Variants in MTSS1 observed in about 807,000 individuals in gnomAD.
The protein encoded by MTSS1 is MTSS I-BAR domain containing 1.
MTSS1 carries 18 observed loss-of-function variants against 79.0 expected under a neutral mutation model. That is an observed-to-expected ratio of 0.23 (90% CI 0.16 to 0.34). The LOEUF is 0.34. MTSS1 is among the 10% of genes least tolerant of loss of function. The pLI is 1.00. For missense variants in MTSS1, 815 were observed against 986.2 expected, an observed-to-expected ratio of 0.83 and a Z score of 2.33; for synonymous variants, 341 against 368.6, an observed-to-expected ratio of 0.93 and a Z score of 0.86.
chr8:124,675,595 T>G (rs184560223), intron 3 of MTSS1, among the ~76,000 whole-genome samples: 3 of 152,306 alleles, frequency 2.0e-5, no homozygotes, highest in Admixed American at 2.0e-4. Context: ...CTCTACCTAG[T>G]TCAAAAACAT....
At chr8:124,680,957 C>T (rs567733069) in intron 3 of MTSS1, among the ~76,000 whole-genome samples, 34 of 152,116 alleles carry the variant, frequency 2.2e-4, no homozygotes, top group African/African-American at 8.0e-4. Flanking sequence ...TTCTTTAGAC[C>T]GCAGGAGAGG....
At position 124,562,783 on chromosome 8, in the gene MTSS1, T is replaced by C; in HGVS notation, c.1034A>G (p.Gln345Arg). 6.2e-7 allele frequency: 1 copy of C among 1,613,738 alleles called. No individual in the cohort carries two copies. The highest frequency in any genetic ancestry group is 1.1e-5 in the South Asian group (1 of 91,068). The change falls in exon 10 of 14, where the codon CAG (glutamine) becomes CGG (arginine). Residue 345 changes from glutamine to arginine, a missense_variant and splice_region_variant. Around this residue, in one of 2 missense-constraint regions of MTSS1, gnomAD observed 590 missense variants for 620.8 expected, o/e 0.95. Transcript: ENST00000518547. ...TCCTGGAGCCAAGGGCACCCTTACC[T>C]GGTTGGGGGCCTCTGGCGGCATGGG... ...PSPMPPEAPN[Q>R]LSNGFSHYSL...
chr8:124,579,523 G>A (rs1024894421), intron 6 of MTSS1: 1 of 152,238 alleles, frequency 6.6e-6, no homozygotes, highest in Admixed American at 6.5e-5. Context: ...ATTCTGTGAT[G>A]TGAATTTTAC....
intron 7 of MTSS1, chr8:124,567,833 C>T: frequency 6.7e-7 from 1 of 1,500,740 alleles, no homozygotes; most frequent in Non-Finnish European, 8.8e-7. Context: ...CTGGTACCTT[C>T]GAATCAGCTT....
intron 3 of MTSS1, among the ~76,000 whole-genome samples, chr8:124,666,927 G>A (rs1474736523): frequency 6.6e-6 from 1 of 152,172 alleles, no homozygotes; most frequent in Admixed American, 6.5e-5. Flanking sequence ...AGTTTAGGGG[G>A]AGAGTTGAAG....
Position 124,553,840 on chromosome 8 carries a change from A to G in MTSS1, c.1568-148T>C, listed in dbSNP as rs1312581983. 3 of 707,776 alleles carry G rather than the reference A, an allele frequency of 4.2e-6. No homozygotes were observed. The highest frequency in any genetic ancestry group is 1.8e-5 in the African/African-American group (1 of 55,798). The allele number at this position is 707,776 out of a possible 1,614,324, so 43.8% of individuals were successfully genotyped here. On this transcript the variant is annotated intron_variant, in intron 13 of 13. Transcript: ENST00000518547. This position sits in a 1 kb window ranked among gnomAD's most constrained non-coding sequence, Gnocchi z 6.0. ...CCAGGCTTCTCTACCATCTTCAGAA[A>G]GCCTCACCAACTAAGAACTCCGTGG...
At chr8:124,572,879 T>G (rs571315633) in intron 6 of MTSS1, among the ~76,000 whole-genome samples, 2 of 134,900 alleles carry the variant, frequency 1.5e-5, no homozygotes, top group South Asian at 5.1e-4. Context: ...CCCAAGTAGC[T>G]GGGATTACAG....
intron 3 of MTSS1, among the ~76,000 whole-genome samples, chr8:124,650,517 G>A (rs370865230): frequency 2.0e-5 from 3 of 151,940 alleles, no homozygotes; most frequent in Non-Finnish European, 2.9e-5. Context: ...TAGAGAAGCC[G>A]CGTTTCCTCG....
chr8:124,677,235 G>C (rs1379770425), intron 3 of MTSS1, among the ~76,000 whole-genome samples: 1 of 152,078 alleles, frequency 6.6e-6, no homozygotes, highest in Non-Finnish European at 1.5e-5. Flanking sequence ...TTTTACCAAA[G>C]GCAAGGAAAA....
At chr8:124,672,911 A>T (rs1369954050) in intron 3 of MTSS1, among the ~76,000 whole-genome samples, 1 of 152,004 alleles carries the variant, frequency 6.6e-6, no homozygotes, top group African/African-American at 2.4e-5. Context: ...ACATGCACAC[A>T]TATATATGGA....
At chr8:124,718,063 T>G (rs531245845) in intron 1 of MTSS1, among the ~76,000 whole-genome samples, 13 of 151,740 alleles carry the variant, frequency 8.6e-5, no homozygotes, top group Admixed American at 2.0e-4. Context: ...TCTGACACAG[T>G]CTTGGCTCCC....
rs563684227 is a variant in MTSS1 at position 124,552,790 on chromosome 8, A to T, written c.*202T>A. ...AATGTGCAGAAAGAAAATTGTCAAT[A>T]TTTACAAATTAAAAGATCAAGATTA... is the stretch of plus-strand genomic sequence containing the variant. On this transcript the variant is annotated 3_prime_UTR_variant, in exon 14 of 14. Transcript: ENST00000518547. The T allele has an allele frequency of 7.0e-5, 35 of 500,308 alleles. No homozygotes were observed. The highest frequency in any genetic ancestry group is 5.7e-4 in the African/African-American group (30 of 52,564). 31.0% of individuals were successfully genotyped at this position (500,308 alleles called of 1,614,324 possible). A position where few individuals can be genotyped will look rare whatever the true frequency, so the allele number is the denominator to read the frequency against.
intron 3 of MTSS1, among the ~76,000 whole-genome samples, chr8:124,594,471 A>C (rs915731386): frequency 6.6e-6 from 1 of 152,230 alleles, no homozygotes; most frequent in Non-Finnish European, 1.5e-5. Context: ...TGGAGGTTAC[A>C]GTGAGCTGAG....
intron 3 of MTSS1, among the ~76,000 whole-genome samples, chr8:124,677,700 G>C (rs1825533053): frequency 6.6e-6 from 1 of 152,118 alleles, no homozygotes; most frequent in Non-Finnish European, 1.5e-5. Context: ...TATTTATAGG[G>C]GAGGGAGGTT....
chr8:124,623,746 T>C (rs145316296), intron 3 of MTSS1, among the ~76,000 whole-genome samples: 3,062 of 152,196 alleles, frequency 0.02, 113 homozygotes, highest in African/African-American at 0.071. Context: ...TTCAAGCGAT[T>C]CTCCTGCCTC....
chr8:124,628,860 G>A (rs917891289), intron 3 of MTSS1, among the ~76,000 whole-genome samples: 2 of 152,154 alleles, frequency 1.3e-5, no homozygotes, highest in African/African-American at 2.4e-5. Flanking sequence ...GTAGACCTAG[G>A]ACTCAAAGCC....
Position 124,568,546 on chromosome 8 carries a change from A to C in MTSS1, c.461-10T>G, listed in dbSNP as rs750177824. 6.2e-7 allele frequency: 1 copy of C among 1,614,168 alleles called. No individual in the cohort carries two copies. The highest frequency in any genetic ancestry group is 2.2e-5 in the East Asian group (1 of 44,884). On this transcript the variant is annotated splice_polypyrimidine_tract_variant and intron_variant, in intron 6 of 13. Transcript: ENST00000518547. ...TGGATATCACCTCTCCCTGCAAAAA[A>C]CAGAGACCCAAGCACGGCTTGCTGA... is the stretch of plus-strand genomic sequence containing the variant.
At chr8:124,625,556 C>T (rs1814498143) in intron 3 of MTSS1, among the ~76,000 whole-genome samples, 4 of 152,146 alleles carry the variant, frequency 2.6e-5, no homozygotes, top group South Asian at 4.1e-4. Context: ...GCTTTCATGG[C>T]GAAGTTCAGC....
intron 3 of MTSS1, among the ~76,000 whole-genome samples, chr8:124,639,068 G>A (rs1817548081): frequency 1.3e-5 from 2 of 152,236 alleles, no homozygotes; most frequent in African/African-American, 2.4e-5. Context: ...CCCAGGTGGT[G>A]GCTCATGCCT....
Sources: gnomAD v4.1 joint callset for allele counts (sites outside exome capture counted in the v4.1 genomes callset) on GRCh38, gnomAD v4.1.1 for gene constraint, gnomAD v4.1.1 regional missense constraint, Gnocchi (gnomAD v3.1) non-coding constraint, MANE v1.5 for transcripts, NCBI Gene and HGNC (gene_info 2026-07-23, HGNC 2026-07-21) for gene names.